The following XPO6 variants were observed in gnomAD, a reference collection of about 807,000 sequenced individuals.
XPO6 encodes the protein exportin 6, also known as exportin-6.
Under a neutral mutation model 130.0 loss-of-function variants are expected in XPO6, and 3 were observed. The observed-to-expected ratio is 0.02, with a 90% CI of 0.01 to 0.06. XPO6 has a LOEUF of 0.06. Among genes scored for constraint, XPO6 ranks in the 10% least tolerant of loss-of-function variants. XPO6 has a pLI of 1.00. For synonymous variants in XPO6, 524 were observed against 548.9 expected, an observed-to-expected ratio of 0.95 and a Z score of 0.63; for missense variants, 970 against 1,393.0, an observed-to-expected ratio of 0.70 and a Z score of 4.83.
intron 14 of XPO6, among the ~76,000 whole-genome samples, chr16:28,119,070 C>T (rs939265293): frequency 6.6e-5 from 10 of 152,184 alleles, no homozygotes; most frequent in African/African-American, 2.4e-4. Context: ...GGCAGGAGTG[C>T]AGTGGCACAA....
At chr16:28,142,658 A>G (rs2042915041) in intron 9 of XPO6, among the ~76,000 whole-genome samples, 1 of 151,900 alleles carries the variant, frequency 6.6e-6, no homozygotes, top group African/African-American at 2.4e-5. Context: ...GTGGCCTCCA[A>G]CTCCTGGGCT....
chr16:28,101,201 G>A lies in XPO6; in HGVS notation c.3276+257C>T, dbSNP rs2086648189. On this transcript the variant is annotated intron_variant, in intron 23 of 23. Coordinates refer to ENST00000304658, the MANE Select transcript of XPO6 (RefSeq NM_015171.4). The surrounding 1 kb of genome is among the most constrained non-coding windows in gnomAD (Gnocchi z 5.4). ...AGATGCCAAGACAAATGGAGGGGCT[G>A]CAGAGCCAGGAACTCGGGACCTCCA... The A allele has an allele frequency of 1.4e-5, 8 of 558,256 alleles. No individual in the cohort carries two copies. The highest frequency in any genetic ancestry group is 1.2e-4 in the South Asian group (6 of 51,138). The allele number at this position is 558,256 out of a possible 1,614,324, so 34.6% of individuals were successfully genotyped here.
At chr16:28,176,193 A>T in intron 3 of XPO6, 98 bp from the exon 4 acceptor site, 1 of 1,103,968 alleles carries the variant, frequency 9.1e-7, no homozygotes, top group East Asian at 2.5e-5. Context: ...ATAAACAAGA[A>T]TCCCTCTTTA....
chr16:28,150,435 G>A (rs1207283920), intron 8 of XPO6, among the ~76,000 whole-genome samples: 3 of 152,076 alleles, frequency 2.0e-5, no homozygotes, highest in Admixed American at 6.6e-5. Context: ...AAATAAGCCA[G>A]GGGAAAGGCC....
At position 28,121,737 on chromosome 16, in the gene XPO6, A is replaced by G. The variant is rs1050186045; in HGVS notation, c.1792T>C (p.Ser598Pro). The change falls in exon 14 of 24, where the codon TCT (serine) becomes CCT (proline). Residue 598 changes from serine (S) to proline (P), a missense_variant. Ser to Pro is a moderately conservative substitution (Grantham distance 74). Around this residue, in one of 4 missense-constraint regions of XPO6, gnomAD observed 936 missense variants for 1,306.8 expected, o/e 0.72. Coordinates refer to ENST00000304658, the MANE Select transcript of XPO6 (RefSeq NM_015171.4). ...ERLVKVTLYG[S>P]QIKLYNIETA... ...TCAATGTTGTACAATTTTATCTGAG[A>G]TCCGTACAGAGTGACTTTGACCAAC... The G allele has an allele frequency of 1.9e-6, 3 of 1,613,892 alleles. No homozygotes were observed. The highest frequency in any genetic ancestry group is 2.5e-6 in the Non-Finnish European group (3 of 1,179,908).
At chr16:28,119,019 C>T (rs1439755506) in intron 14 of XPO6, among the ~76,000 whole-genome samples, 2 of 152,132 alleles carry the variant, frequency 1.3e-5, no homozygotes, top group Admixed American at 1.3e-4. Context: ...ACTTTATTTA[C>T]TTATTTATGT....
chr16:28,205,058 T>C (rs1386941992), intron 1 of XPO6, among the ~76,000 whole-genome samples: 2 of 152,072 alleles, frequency 1.3e-5, no homozygotes, highest in Non-Finnish European at 2.9e-5. Flanking sequence ...CGAGATCCTA[T>C]GTCTAAAATT....
chr16:28,199,449 A>G (rs2043920922), intron 1 of XPO6, among the ~76,000 whole-genome samples: 1 of 150,858 alleles, frequency 6.6e-6, no homozygotes, highest in African/African-American at 2.4e-5. Flanking sequence ...TAATTTTTGT[A>G]TTTTTTTAAG....
At chr16:28,107,816 G>T in intron 17 of XPO6, 139 bp from the exon 18 acceptor site, 1 of 936,178 alleles carries the variant, frequency 1.1e-6, no homozygotes, top group South Asian at 1.6e-5. Context: ...ACAGTCTCTT[G>T]ATTACAATAT....
Position 28,107,622 on chromosome 16 carries a change from G to T in XPO6, c.2397C>A (p.Ile799=). The T allele has an allele frequency of 6.2e-7, 1 of 1,614,198 alleles. No homozygotes were observed. The highest frequency in any genetic ancestry group is 8.5e-7 in the Non-Finnish European group (1 of 1,180,032). Residue 799 remains isoleucine (I), a synonymous_variant, in exon 18 of 24, where the codon ATC becomes ATA. Coordinates refer to ENST00000304658, the MANE Select transcript of XPO6 (RefSeq NM_015171.4). The part of the protein sequence containing the change: ...LSVLEDIVEN[I]SGESTKSRQI... ...GTCGAGACTTGGTGGACTCCCCCGA[G>T]ATATTCTCCACAATATCTTCTAAGA...
At chr16:28,210,880 T>C (rs1444766077) in intron 1 of XPO6, among the ~76,000 whole-genome samples, 1 of 152,192 alleles carries the variant, frequency 6.6e-6, no homozygotes, top group Non-Finnish European at 1.5e-5. Flanking sequence ...GCTCTCTAAG[T>C]GTATTAGAGA....
intron 12 of XPO6, among the ~76,000 whole-genome samples, chr16:28,128,936 T>G (rs994732377): frequency 1.1e-4 from 16 of 152,236 alleles, no homozygotes; most frequent in Middle Eastern, 3.4e-3. Context: ...TCCTGATCCC[T>G]CCCCTCTGAA....
chr16:28,201,612 T>C (rs568082390), intron 1 of XPO6, among the ~76,000 whole-genome samples: 23 of 152,160 alleles, frequency 1.5e-4, no homozygotes, highest in South Asian at 4.2e-4. Context: ...ATCCCAGCAA[T>C]TGGGGAGGCT....
intron 8 of XPO6, among the ~76,000 whole-genome samples, chr16:28,148,850 T>C (rs1260854971): frequency 1.3e-5 from 2 of 151,994 alleles, no homozygotes; most frequent in African/African-American, 2.4e-5. Context: ...GAGACCAGCC[T>C]GGTCAACACG....
At position 28,159,994 on chromosome 16, in the gene XPO6, C is replaced by T. The variant is rs761743334; in HGVS notation, c.644-3467G>A. Among the ~76,000 whole-genome samples, 7 of 151,430 alleles carry T rather than the reference C, an allele frequency of 4.6e-5. No homozygotes were observed. The South Asian group carries it at 8.3e-4, about 18-fold the overall frequency. On this transcript the variant is annotated intron_variant, in intron 6 of 23. Transcript: ENST00000304658. The stretch of plus-strand genomic sequence containing the variant: ...TGAGGTCAGGAATTCGAGACAAGCC[C>T]GGCCAACATGGTGAAACCCTGTCTC...
intron 7 of XPO6, among the ~76,000 whole-genome samples, chr16:28,154,784 A>ATATT (rs1441358447): frequency 6.6e-6 from 1 of 152,224 alleles, no homozygotes; most frequent in Non-Finnish European, 1.5e-5. Context: ...AAAACAACTG[A>ATATT]TATTTGATAG....
chr16:28,128,060 G>A (rs1268567247), intron 12 of XPO6, among the ~76,000 whole-genome samples: 1 of 152,156 alleles, frequency 6.6e-6, no homozygotes, highest in Non-Finnish European at 1.5e-5. Context: ...CATCACACTG[G>A]TTGTACGAAA....
Position 28,101,650 on chromosome 16 carries a change from G to C in XPO6, c.3084C>G (p.Asn1028Lys). The C allele has an allele frequency of 6.2e-7, 1 of 1,612,670 alleles. No homozygotes were observed. The highest frequency in any genetic ancestry group is 8.5e-7 in the Non-Finnish European group (1 of 1,178,740). ...FRTAMLFQFV[N>K]VLLQVLVHKS... is the part of the protein sequence containing the mutation. Reference sequence around the variant, plus strand: ...TGTGGACCAGGACCTGGAGCAGCACGTTCACAAACTGGAACAGCATGGCAG... The same window carrying C: ...TGTGGACCAGGACCTGGAGCAGCACCTTCACAAACTGGAACAGCATGGCAG... The change falls in exon 23 of 24, where the codon AAC (asparagine) becomes AAG (lysine). Residue 1028 changes from asparagine to lysine, a missense_variant. Asn to Lys is a moderately conservative substitution (Grantham distance 94, BLOSUM62 0). Coordinates refer to ENST00000304658, the MANE Select transcript of XPO6 (RefSeq NM_015171.4). This position sits in a 1 kb window ranked among gnomAD's most constrained non-coding sequence, Gnocchi z 5.4.
chr16:28,194,963 C>T (rs908261992), intron 1 of XPO6, among the ~76,000 whole-genome samples: 32 of 150,538 alleles, frequency 2.1e-4, no homozygotes, highest in African/African-American at 7.8e-4. Context: ...ACACCATTTC[C>T]TCTATCTAGA....
Sources: allele counts gnomAD v4.1 joint callset (sites outside exome capture counted in the v4.1 genomes callset), GRCh38; gene constraint gnomAD v4.1.1; regional missense constraint gnomAD v4.1.1; non-coding constraint Gnocchi (gnomAD v3.1); transcripts MANE v1.5; gene names NCBI Gene and HGNC (gene_info 2026-07-23, HGNC 2026-07-21).